The following MYH7 variants were observed in gnomAD, a reference collection of about 807,000 sequenced individuals.
MYH7 encodes the protein myosin heavy chain 7, also known as myosin-7.
Under a neutral mutation model 225.4 loss-of-function variants are expected in MYH7, and 129 were observed. The observed-to-expected ratio is 0.57, with a 90% confidence interval of 0.50 to 0.66. MYH7 has a LOEUF of 0.66. MYH7 is among the 30% of genes least tolerant of loss of function. The pLI, the probability that MYH7 is intolerant of heterozygous loss-of-function variation, is 0.00. For missense variants in MYH7, 1,649 were observed against 2,517.0 expected (o/e 0.66, Z 7.38); for synonymous variants, 971 against 1,007.6 (o/e 0.96, Z 0.69).
intron 2 of MYH7, 23 bp downstream of exon 2, chr14:23,434,171 A>C (rs2239578): frequency 2.8e-6 from 3 of 1,057,480 alleles, no homozygotes; most frequent in Non-Finnish European, 3.4e-6. Context: ...GATTTTCAAC[A>C]CTCTAGCTTC....
At chr14:23,429,139 G>A (rs374349822) in intron 13 of MYH7, 35 bp from the exon 14 acceptor site, 51 of 1,614,048 alleles carry the variant, frequency 3.2e-5, no homozygotes, top group Non-Finnish European at 3.8e-5. Context: ...ATTGAGCAGG[G>A]TTGTTGGGAA....
rs1198159990 is a variant in MYH7 at position 23,427,693 on chromosome 14, G to A, written c.1780C>T (p.Leu594=). 6.2e-7 allele frequency: 1 copy of A among 1,614,228 alleles called. No individual in the cohort carries two copies. The highest frequency in any genetic ancestry group is 8.5e-7 in the Non-Finnish European group (1 of 1,180,042). Residue 594 remains leucine, a synonymous_variant, in exon 16 of 40, where the codon CTG becomes TTG. Transcript: ENST00000355349. ...TTGAGAGGATCCTTGTTCTTCTGCA[G>A]CCAGCCAATGATGTTGTAGTCCACG... ...GIVDYNIIGW[L]QKNKDPLNET...
Position 23,434,199 on chromosome 14 carries a change from C to A in MYH7, c.-14G>T. On this transcript the variant is annotated 5_prime_UTR_variant, in exon 2 of 40. Coordinates refer to ENST00000355349, the MANE Select transcript of MYH7 (RefSeq NM_000257.4). The stretch of plus-strand genomic sequence containing the variant: ...CTAGCTTCAGCTTTTCTTACCTGGG[C>A]TACTCAAGTGTGTCTACAGATGAGG... The A allele has an allele frequency of 9.4e-7, 1 of 1,061,164 alleles. No individual in the cohort carries two copies. Among genetic ancestry groups the A allele is most frequent in the Non-Finnish European group, 1.1e-6 (1 of 875,548 alleles). The allele number at this position is 1,061,164 out of a possible 1,614,324, so 65.7% of individuals were successfully genotyped here.
Position 23,425,247 on chromosome 14 carries a change from A to G in MYH7, c.2423+35T>C. On this transcript the variant is annotated intron_variant, in intron 21 of 39. Transcript: ENST00000355349. This position sits in a 1 kb window ranked among gnomAD's most constrained non-coding sequence, Gnocchi z 4.6. ...CTGCCCCTGAACCAGCCTGGGCCTC[A>G]GAGAAGCGGGAAACCTCCTCTTGAG... 1 of 1,614,142 alleles carries G rather than the reference A, an allele frequency of 6.2e-7. No individual in the cohort carries two copies. The highest frequency in any genetic ancestry group is 8.5e-7 in the Non-Finnish European group (1 of 1,180,022).
rs730880786 is a variant in MYH7 at position 23,418,402 on chromosome 14, T to C, written c.3977A>G (p.Lys1326Arg). ...KRQLEEEVKA[K>R]NALAHALQSA... ...CTGCAGTGCGTGGGCCAGGGCGTTCTTCGCCTGGGGAGGGGTGGGCACCAG... is the reference window on the plus strand; with the variant it reads ...CTGCAGTGCGTGGGCCAGGGCGTTCCTCGCCTGGGGAGGGGTGGGCACCAG... Residue 1326 changes from lysine to arginine, a missense_variant, in exon 30 of 40, where the codon AAG (lysine) becomes AGG (arginine). Coordinates refer to ENST00000355349, the MANE Select transcript of MYH7 (RefSeq NM_000257.4). The C allele has an allele frequency of 4.2e-5, 67 of 1,605,636 alleles. No individual in the cohort carries two copies. Among genetic ancestry groups the C allele is most frequent in the Non-Finnish European group, 5.6e-5 (66 of 1,174,470 alleles).
rs1057522617 is a variant in MYH7 at position 23,414,024 on chromosome 14, G to A, written c.5638C>T (p.Arg1880Cys). ...TCACTCACCGCCTCCTCGGCCTGGC[G>A]CTTGTAGGCCTTGACCTTTAGCTGC... is the stretch of plus-strand genomic sequence containing the variant. ...KLQLKVKAYKRQAEEAEEQAN... is the reference protein window; with the variant it reads ...KLQLKVKAYKCQAEEAEEQAN... Residue 1880 changes from arginine (R) to cysteine (C), a missense_variant, in exon 38 of 40, where the codon CGC (arginine) becomes TGC (cysteine). Arg to Cys is a radical substitution (Grantham distance 180). Coordinates refer to ENST00000355349, the MANE Select transcript of MYH7 (RefSeq NM_000257.4). The A allele has an allele frequency of 1.1e-5, 17 of 1,614,000 alleles. No individual in the cohort carries two copies. Among genetic ancestry groups the A allele is most frequent in the African/African-American group, 6.7e-5 (5 of 74,918 alleles).
intron 18 of MYH7, among the ~76,000 whole-genome samples, chr14:23,426,547 C>T (rs1892699634): frequency 6.6e-6 from 1 of 152,212 alleles, no homozygotes; most frequent in Admixed American, 6.5e-5. Context: ...GGTTGTAGGG[C>T]CACTGATGAG....
chr14:23,418,497 A>G, intron 29 of MYH7, 91 bp from the exon 30 acceptor site: 1 of 1,415,852 alleles, frequency 7.1e-7, no homozygotes, highest in Non-Finnish European at 9.4e-7. Context: ...TCTCAACATC[A>G]TCCCTTGGCC....
At position 23,416,327 on chromosome 14, in the gene MYH7, G is replaced by C. The variant is rs756657320; in HGVS notation, c.4645-15C>G. On this transcript the variant is annotated splice_polypyrimidine_tract_variant and intron_variant, in intron 33 of 39. Coordinates refer to ENST00000355349, the MANE Select transcript of MYH7 (RefSeq NM_000257.4). ...TCCAGGGAGGCCTGGGAAGGGGTTG[G>C]GGGAGGGGATGCAGGCAGACAGTCA... 1.2e-6 allele frequency: 2 copies of C among 1,611,208 alleles called. No individual in the cohort carries two copies. Among genetic ancestry groups the C allele is most frequent in the East Asian group, 2.2e-5 (1 of 44,832 alleles).
rs1892668423 is a variant in MYH7, at chr14:23,425,740, G to A, written c.2241C>T (p.Ser747=). The A allele has an allele frequency of 6.2e-7, 1 of 1,614,032 alleles. No individual in the cohort carries two copies. The highest frequency in any genetic ancestry group is 8.5e-7 in the Non-Finnish European group (1 of 1,179,874). ...DSRKGAEKLL[S]SLDIDHNQYK... ...ACTGGTTGTGATCAATGTCCAGGGA[G>A]CTGAGCAGCTTCTCTGCCCCCTTCC... Residue 747 remains serine (S), a synonymous_variant, in exon 20 of 40, where the codon AGC becomes AGT. Coordinates refer to ENST00000355349, the MANE Select transcript of MYH7 (RefSeq NM_000257.4). The surrounding 1 kb of genome is among the most constrained non-coding windows in gnomAD (Gnocchi z 4.6).
chr14:23,433,872 C>G lies in MYH7; in HGVS notation c.-8-132G>C. The G allele has an allele frequency of 1.1e-6, 1 of 901,566 alleles. No homozygotes were observed. Among genetic ancestry groups the G allele is most frequent in the Admixed American group, 2.1e-5 (1 of 47,236 alleles). 55.8% of individuals were successfully genotyped at this position (901,566 alleles called of 1,614,324 possible). ...GTCAAGAGGAGTTACCAGTGAGTCC[C>G]TTCCTCTTTGAGGTTACCCCTTAAC... is the stretch of plus-strand genomic sequence containing the variant. On this transcript the variant is annotated intron_variant, in intron 2 of 39. Coordinates refer to ENST00000355349, the MANE Select transcript of MYH7 (RefSeq NM_000257.4). This position sits in a 1 kb window ranked among gnomAD's most constrained non-coding sequence, Gnocchi z 4.1.
Position 23,425,322 on chromosome 14 carries a change from C to A in MYH7, c.2383G>T (p.Val795Leu), listed in dbSNP as rs1015031034. 1.2e-6 allele frequency: 2 copies of A among 1,614,076 alleles called. No homozygotes were observed. The highest frequency in any genetic ancestry group is 1.3e-5 in the African/African-American group (1 of 74,922). ...TTTTTGTACTCCATTCTGGCGAGCACACCTCGGGACTGGGCCTGGATACGC... is the reference window on the plus strand; with the variant it reads ...TTTTTGTACTCCATTCTGGCGAGCAAACCTCGGGACTGGGCCTGGATACGC... ...ITRIQAQSRG[V>L]LARMEYKKLL... The change falls in exon 21 of 40, where the codon GTG (valine) becomes TTG (leucine). Residue 795 changes from valine to leucine, a missense_variant. Physicochemically the swap from Val to Leu is conservative, Grantham distance 32. Around this residue, in one of 12 missense-constraint regions of MYH7, gnomAD observed 36 missense variants for 43.2 expected, o/e 0.83. Coordinates refer to ENST00000355349, the MANE Select transcript of MYH7 (RefSeq NM_000257.4). This position sits in a 1 kb window ranked among gnomAD's most constrained non-coding sequence, Gnocchi z 4.6.
chr14:23,426,074 C>T lies in MYH7; in HGVS notation c.2052G>A (p.Met684Ile), dbSNP rs727503262. 3.7e-6 allele frequency: 6 copies of T among 1,614,158 alleles called. No homozygotes were observed. Among genetic ancestry groups the T allele is most frequent in the Non-Finnish European group, 5.1e-6 (6 of 1,180,014 alleles). Residue 684 changes from methionine to isoleucine, a missense_variant, in exon 19 of 40, where the codon ATG (methionine) becomes ATA (isoleucine). Coordinates refer to ENST00000355349, the MANE Select transcript of MYH7 (RefSeq NM_000257.4). ...IPNETKSPGV[M>I]DNPLVMHQLR... ...GCTGGTGCATGACCAGGGGGTTGTCCATCACCCCTGTGGCAAGAAGGAAGT... is the reference window on the plus strand; with the variant it reads ...GCTGGTGCATGACCAGGGGGTTGTCTATCACCCCTGTGGCAAGAAGGAAGT...
chr14:23,431,326 G>C, intron 9 of MYH7, 92 bp downstream of exon 9: 1 of 1,281,236 alleles, frequency 7.8e-7, no homozygotes, highest in South Asian at 1.2e-5. Flanking sequence ...GAGAAAAACA[G>C]AGGGAGGGAG....
chr14:23,433,409 CA>C lies in MYH7; in HGVS notation c.201+122del. On this transcript the variant is annotated intron_variant, in intron 3 of 39. Coordinates refer to ENST00000355349, the MANE Select transcript of MYH7 (RefSeq NM_000257.4). This position sits in a 1 kb window ranked among gnomAD's most constrained non-coding sequence, Gnocchi z 4.1. ...TCTTTGGAGGGTCTGGATTCTTCCC[CA>C]AAGGGAAGGAGAATGGGACCATCCT... 7.0e-7 allele frequency: 1 copy of C among 1,438,474 alleles called. No individual in the cohort carries two copies. The highest frequency in any genetic ancestry group is 2.2e-4 in the Middle Eastern group (1 of 4,506). 89.1% of individuals were successfully genotyped at this position (1,438,474 alleles called of 1,614,324 possible). A position where few individuals can be genotyped will look rare whatever the true frequency, so the allele number is the denominator to read the frequency against.
In MYH7 at chr14:23,419,186, C is replaced by T. The variant is rs2138651185; in HGVS notation, c.3963G>A (p.Glu1321=). ...CGAGTCTAGCCCTTACCTTAACCTCCTCCTCCAGCTGCCTCTTGAGGTCCT... is the reference window on the plus strand; with the variant it reads ...CGAGTCTAGCCCTTACCTTAACCTCTTCCTCCAGCTGCCTCTTGAGGTCCT... ...QLEDLKRQLE[E]EVKAKNALAH... Residue 1321 remains glutamate, a synonymous_variant, in exon 29 of 40, where the codon GAG becomes GAA. Coordinates refer to ENST00000355349, the MANE Select transcript of MYH7 (RefSeq NM_000257.4). 1.2e-6 allele frequency: 2 copies of T among 1,614,220 alleles called. No homozygotes were observed. The highest frequency in any genetic ancestry group is 1.7e-6 in the Non-Finnish European group (2 of 1,180,022).
At chr14:23,423,772 G>C in intron 23 of MYH7, 49 bp from the exon 24 acceptor site, 1 of 1,613,544 alleles carries the variant, frequency 6.2e-7, no homozygotes, top group Non-Finnish European at 8.5e-7. Context: ...TCACCAGCTT[G>C]GTGCCATCTG....
intron 30 of MYH7, 160 bp from the exon 31 acceptor site, chr14:23,417,846 G>T: frequency 9.2e-7 from 1 of 1,086,836 alleles, no homozygotes; most frequent in Non-Finnish European, 1.4e-6. Flanking sequence ...TCAGGCAGAG[G>T]ATCCCAGCAG....
chr14:23,423,754 G>A lies in MYH7; in HGVS notation c.2923-31C>T, dbSNP rs537744070. 46 of 1,613,862 alleles carry A rather than the reference G, an allele frequency of 2.9e-5. No homozygotes were observed. In the Admixed American group the frequency reaches 5.3e-4, roughly 19 times the overall value. On this transcript the variant is annotated intron_variant, in intron 23 of 39. Coordinates refer to ENST00000355349, the MANE Select transcript of MYH7 (RefSeq NM_000257.4). ...GACCAAGAATCCCATCTCCTTTAGG[G>A]TCAAAGGTCACCAGCTTGGTGCCAT...
Sources: gnomAD v4.1 joint callset for allele counts (sites outside exome capture counted in the v4.1 genomes callset) on GRCh38, gnomAD v4.1.1 for gene constraint, gnomAD v4.1.1 regional missense constraint, Gnocchi (gnomAD v3.1) non-coding constraint, MANE v1.5 for transcripts, NCBI Gene and HGNC (gene_info 2026-07-23, HGNC 2026-07-21) for gene names.